The following ACVR2A variants were observed in gnomAD, a reference collection of about 807,000 sequenced individuals.
ACVR2A encodes activin receptor type-2A.
Under a neutral mutation model 61.4 loss-of-function variants are expected in ACVR2A, and 7 were observed. The ratio of observed to expected loss-of-function variants is 0.11; its 90% CI spans 0.06 to 0.21. ACVR2A has a LOEUF of 0.21. ACVR2A is among the 10% of genes least tolerant of loss of function. The probability of loss-of-function intolerance (pLI) is 1.00; values close to 1 mark genes in which losing one functional copy is unlikely to be tolerated. For missense variants in ACVR2A, 322 were observed against 621.7 expected, an observed-to-expected ratio of 0.52 and a Z score of 5.13; for synonymous variants, 193 against 208.3, an observed-to-expected ratio of 0.93 and a Z score of 0.63.
Position 147,927,477 on chromosome 2 carries a change from AAG to A in ACVR2A, c.*207_*208del. On this transcript the variant is annotated 3_prime_UTR_variant, in exon 11 of 11. Transcript: ENST00000241416. ...GCACAGATGTGAAGGACATGAGACT[AAG>A]AGAAACCTTGCAAACTCTATAAAGA... is the stretch of plus-strand genomic sequence containing the variant. 2.1e-6 allele frequency: 1 copy of A among 477,226 alleles called. No individual in the cohort carries two copies. Among genetic ancestry groups the A allele is most frequent in the Non-Finnish European group, 3.6e-6 (1 of 277,844 alleles). 29.6% of individuals were successfully genotyped at this position (477,226 alleles called of 1,614,324 possible).
At chr2:147,864,208 G>A (rs1685796133) in intron 1 of ACVR2A, among the ~76,000 whole-genome samples, 1 of 151,828 alleles carries the variant, frequency 6.6e-6, no homozygotes, top group African/African-American at 2.4e-5. Flanking sequence ...CCTAATTGAA[G>A]GACCTCAACT....
At chr2:147,893,062 T>A (rs1686629904) in intron 1 of ACVR2A, among the ~76,000 whole-genome samples, 3 of 152,164 alleles carry the variant, frequency 2.0e-5, no homozygotes. Flanking sequence ...TCATGCCCTT[T>A]TGTAATCACC....
intron 4 of ACVR2A, among the ~76,000 whole-genome samples, chr2:147,914,315 G>A (rs931871239): frequency 2.0e-5 from 3 of 151,942 alleles, no homozygotes; most frequent in Admixed American, 2.0e-4. Flanking sequence ...TGCTTTAGTT[G>A]CAGATAGGGA....
intron 1 of ACVR2A, among the ~76,000 whole-genome samples, chr2:147,861,007 T>TG (rs765141182): frequency 1.3e-5 from 2 of 152,232 alleles, no homozygotes; most frequent in Non-Finnish European, 1.5e-5. Context: ...TGAAGCCAGA[T>TG]GCCTGGTCCT....
At chr2:147,902,954 A>G (rs1686905462) in intron 4 of ACVR2A, 1 of 151,882 alleles carries the variant, frequency 6.6e-6, no homozygotes, top group Non-Finnish European at 1.5e-5. Context: ...TTTCTTAGGG[A>G]GACTTTTTCT....
At chr2:147,905,058 G>A (rs951042198) in intron 4 of ACVR2A, among the ~76,000 whole-genome samples, 1 of 151,806 alleles carries the variant, frequency 6.6e-6, no homozygotes, top group Non-Finnish European at 1.5e-5. Flanking sequence ...CATGCTTGTG[G>A]TATCAAGACA....
intron 1 of ACVR2A, among the ~76,000 whole-genome samples, chr2:147,851,500 G>T (rs1420070809): frequency 6.6e-6 from 1 of 152,060 alleles, no homozygotes; most frequent in African/African-American, 2.4e-5. Context: ...CATCCATACA[G>T]ACTTGACTTG....
intron 4 of ACVR2A, among the ~76,000 whole-genome samples, chr2:147,914,028 T>C (rs1687190331): frequency 1.3e-5 from 2 of 151,870 alleles, no homozygotes; most frequent in African/African-American, 4.8e-5. Flanking sequence ...CAGTAAACTT[T>C]TAAAACTCCT....
At position 147,878,338 on chromosome 2, in the gene ACVR2A, T is replaced by TA. The variant is rs139611257; in HGVS notation, c.56-17962dup. 3.7e-3 allele frequency among the ~76,000 whole-genome samples: 562 copies of TA among 152,344 alleles called. 1 individual carries two copies. The highest frequency in any genetic ancestry group is 6.4e-3 in the Non-Finnish European group (437 of 68,028). ...CCTGCTACTCTTCTTTTATAGTACT[T>TA]ACGTAAGCCAGTATCGAAAACAACT... On this transcript the variant is annotated intron_variant, in intron 1 of 10. Transcript: ENST00000241416.
At chr2:147,908,541 A>G (rs903654010) in intron 4 of ACVR2A, among the ~76,000 whole-genome samples, 1 of 152,182 alleles carries the variant, frequency 6.6e-6, no homozygotes, top group African/African-American at 2.4e-5. Context: ...TGACATGTCA[A>G]TACTGTTGAA....
At chr2:147,865,149 A>T (rs562129693) in intron 1 of ACVR2A, among the ~76,000 whole-genome samples, 1 of 152,146 alleles carries the variant, frequency 6.6e-6, no homozygotes, top group African/African-American at 2.4e-5. Flanking sequence ...TAAAACCACC[A>T]CGAGGATAGG....
intron 4 of ACVR2A, among the ~76,000 whole-genome samples, chr2:147,903,554 A>G (rs1686920534): frequency 6.6e-6 from 1 of 151,962 alleles, no homozygotes; most frequent in South Asian, 2.1e-4. Flanking sequence ...TGCTTAAAAT[A>G]TGTGTGGGCT....
Position 147,927,127 on chromosome 2 carries a change from C to T in ACVR2A, c.1395C>T (p.Asp465=), listed in dbSNP as rs1348423753. ...CETIEECWDH[D]AEARLSAGCV... is the part of the protein sequence containing the mutation. ...CCATTGAAGAATGTTGGGATCACGA[C>T]GCAGAAGCCAGGTTATCAGCTGGAT... The change falls in exon 11 of 11, where the codon GAC becomes GAT. Residue 465 remains aspartate (D), a synonymous_variant. Coordinates refer to ENST00000241416, the MANE Select transcript of ACVR2A (RefSeq NM_001616.5). 1.3e-5 allele frequency: 21 copies of T among 1,611,938 alleles called. No homozygotes were observed. Among genetic ancestry groups the T allele is most frequent in the East Asian group, 2.2e-5 (1 of 44,802 alleles).
At chr2:147,871,989 A>G (rs1251878919) in intron 1 of ACVR2A, among the ~76,000 whole-genome samples, 1 of 152,080 alleles carries the variant, frequency 6.6e-6, no homozygotes, top group African/African-American at 2.4e-5. Flanking sequence ...ATTTTTATTT[A>G]TGAAGATTGC....
Position 147,926,116 on chromosome 2 carries a change from T to TA in ACVR2A, c.1310dup (p.Arg438GlufsTer19), listed in dbSNP as rs764719749. On this transcript the variant is annotated frameshift_variant, in exon 10 of 11. Transcript: ENST00000241416. LOFTEE classifies it high-confidence loss of function. ...AAGACATGCAGGAAGTTGTTGTGCATAAAAAAAAGAGGCCTGTTTTAAGAG... is the reference window on the plus strand; with the variant it reads ...AAGACATGCAGGAAGTTGTTGTGCATAAAAAAAAAGAGGCCTGTTTTAAGAG... The TA allele has an allele frequency of 3.7e-6, 6 of 1,610,598 alleles. No individual in the cohort carries two copies. Among genetic ancestry groups the TA allele is most frequent in the Admixed American group, 1.7e-5 (1 of 59,772 alleles).
intron 4 of ACVR2A, among the ~76,000 whole-genome samples, chr2:147,914,932 T>C (rs1393090572): frequency 6.6e-6 from 1 of 151,962 alleles, no homozygotes; most frequent in Admixed American, 6.6e-5. Context: ...ATCAGAAAGA[T>C]TTTAGATCTT....
chr2:147,899,675 CTA>C (rs1338636637), intron 3 of ACVR2A, 67 bp from the exon 4 acceptor site: 1 of 1,594,626 alleles, frequency 6.3e-7, no homozygotes, highest in Non-Finnish European at 8.6e-7. Context: ...AAATTTGAGA[CTA>C]TGACAGATAT....
At chr2:147,894,047 T>TA (rs1268658524) in intron 1 of ACVR2A, among the ~76,000 whole-genome samples, 1 of 152,146 alleles carries the variant, frequency 6.6e-6, no homozygotes, top group African/African-American at 2.4e-5. Context: ...TATGGCGTGA[T>TA]ATATGGGTTG....
intron 9 of ACVR2A, among the ~76,000 whole-genome samples, chr2:147,925,015 G>A (rs1687469288): frequency 6.6e-6 from 1 of 152,078 alleles, no homozygotes; most frequent in South Asian, 2.1e-4. Context: ...ATGATTCATT[G>A]TATTCTACCC....
Sources: gnomAD v4.1 joint callset for allele counts (sites outside exome capture counted in the v4.1 genomes callset) on GRCh38, gnomAD v4.1.1 for gene constraint, MANE v1.5 for transcripts, NCBI Gene and HGNC (gene_info 2026-07-23, HGNC 2026-07-21) for gene names.